RIC8B: variants seen among roughly 807,000 people sequenced by gnomAD.
RIC8B encodes the protein chaperone Ric-8B.
RIC8B carries 16 observed loss-of-function variants against 57.5 expected under a neutral mutation model. The ratio of observed to expected loss-of-function variants is 0.28; its 90% CI spans 0.19 to 0.42. The LOEUF (loss-of-function observed/expected upper bound fraction) is 0.42, where lower values mean the gene tolerates loss of function less well. RIC8B is among the 10% of genes least tolerant of loss of function. The probability of loss-of-function intolerance (pLI) is 1.00; values close to 1 mark genes in which losing one functional copy is unlikely to be tolerated. For missense variants in RIC8B, 481 were observed against 677.0 expected, an observed-to-expected ratio of 0.71 and a Z score of 3.21; for synonymous variants, 216 against 250.8, an observed-to-expected ratio of 0.86 and a Z score of 1.31.
chr12:106,847,599 T>G (rs1191591906), intron 6 of RIC8B, among the ~76,000 whole-genome samples: 1 of 152,172 alleles, frequency 6.6e-6, no homozygotes, highest in Non-Finnish European at 1.5e-5. Context: ...GAGATTTAGT[T>G]TCCATTTTTG....
In RIC8B at chr12:106,879,020, C is replaced by A; in HGVS notation, c.1572-6884C>A. The A allele has an allele frequency of 1.0e-6, 1 of 985,604 alleles. No individual in the cohort carries two copies. Among genetic ancestry groups the A allele is most frequent in the Non-Finnish European group, 1.2e-6 (1 of 829,816 alleles). 61.1% of individuals were successfully genotyped at this position (985,604 alleles called of 1,614,324 possible). On this transcript the variant is annotated intron_variant, in intron 9 of 9. Transcript: ENST00000392837. This position sits in a 1 kb window ranked among gnomAD's most constrained non-coding sequence, Gnocchi z 4.9. ...ATTAATTCCATGTGTCAATACTGCC[C>A]TGTAGTACACAGAGCAGACAAGAAA...
chr12:106,843,725 A>C (rs1566122837), intron 5 of RIC8B, 127 bp from the exon 6 acceptor site: 2 of 191,962 alleles, frequency 1.0e-5, no homozygotes, highest in Non-Finnish European at 1.9e-5. Flanking sequence ...CCCTCTCCCA[A>C]AAAAAAAAAA....
chr12:106,846,073 C>A (rs1250524066), intron 6 of RIC8B, among the ~76,000 whole-genome samples: 3 of 152,124 alleles, frequency 2.0e-5, no homozygotes, highest in Non-Finnish European at 4.4e-5. Context: ...TGATCTCATT[C>A]AAGAGTCATG....
intron 4 of RIC8B, among the ~76,000 whole-genome samples, chr12:106,830,028 T>A (rs2046289798): frequency 6.6e-6 from 1 of 152,236 alleles, no homozygotes; most frequent in African/African-American, 2.4e-5. Flanking sequence ...TCTATTCTAT[T>A]TCATTTGTCT....
chr12:106,787,090 C>T (rs2044064391), intron 2 of RIC8B, among the ~76,000 whole-genome samples: 1 of 152,066 alleles, frequency 6.6e-6, no homozygotes, highest in Non-Finnish European at 1.5e-5. Flanking sequence ...TAGAAAAAAA[C>T]TAACATTTTC....
intron 1 of RIC8B, chr12:106,775,390 C>T (rs2043417122): frequency 6.6e-6 from 3 of 455,888 alleles, no homozygotes; most frequent in South Asian, 4.6e-5. Flanking sequence ...GTGCAAAGAG[C>T]TGAAATCACG....
At chr12:106,880,287 A>T (rs1950864858) in intron 9 of RIC8B, among the ~76,000 whole-genome samples, 1 of 152,176 alleles carries the variant, frequency 6.6e-6, no homozygotes. Flanking sequence ...TAGGTTTAGA[A>T]TATCTGCATT....
chr12:106,792,377 A>T (rs943640091), intron 2 of RIC8B, among the ~76,000 whole-genome samples: 1 of 152,242 alleles, frequency 6.6e-6, no homozygotes, highest in Non-Finnish European at 1.5e-5. Context: ...CAGTCTATAC[A>T]TGATCGTTGG....
intron 2 of RIC8B, among the ~76,000 whole-genome samples, chr12:106,807,112 C>T (rs774732720): frequency 3.3e-5 from 5 of 152,332 alleles, no homozygotes; most frequent in East Asian, 3.9e-4. Context: ...CAAATCCATT[C>T]GCTTGTCTCC....
intron 3 of RIC8B, among the ~76,000 whole-genome samples, chr12:106,821,841 G>T (rs914402716): frequency 3.9e-4 from 59 of 151,992 alleles, no homozygotes; most frequent in Admixed American, 2.6e-4. Flanking sequence ...CACTTTGGGA[G>T]CCTGAGGCAG....
chr12:106,798,150 T>C, intron 2 of RIC8B: 1 of 581,496 alleles, frequency 1.7e-6, no homozygotes, highest in Non-Finnish European at 3.2e-6. Context: ...ATCGTAGATC[T>C]TTTTGATGCC....
rs909422311 is a variant in RIC8B at position 106,778,850 on chromosome 12, C to T, written c.84+4021C>T. Among the ~76,000 whole-genome samples, 4 of 152,088 alleles carry T rather than the reference C, an allele frequency of 2.6e-5. No homozygotes were observed. The East Asian group carries it at 7.7e-4, about 29-fold the overall frequency. ...TGTGGATACCAGAATCTGTGGATACCAAAATCTTCTAATGCTTTAGTCCCT... is the reference window on the plus strand; with the variant it reads ...TGTGGATACCAGAATCTGTGGATACTAAAATCTTCTAATGCTTTAGTCCCT... On this transcript the variant is annotated intron_variant, in intron 1 of 9. Transcript: ENST00000392837.
At position 106,784,061 on chromosome 12, in the gene RIC8B, C is replaced by A; in HGVS notation, c.132+17C>A. The A allele has an allele frequency of 6.2e-7, 1 of 1,610,722 alleles. No homozygotes were observed. Among genetic ancestry groups the A allele is most frequent in the Non-Finnish European group, 8.5e-7 (1 of 1,177,248 alleles). On this transcript the variant is annotated intron_variant, in intron 2 of 9. Coordinates refer to ENST00000392837, the MANE Select transcript of RIC8B (RefSeq NM_001330145.2). ...AAAAGAAAGGTAAGCCTTGGTGTTG[C>A]TCTGTGAATGTTTATGTGTGTGTGT... is the stretch of plus-strand genomic sequence containing the variant.
chr12:106,874,392 T>A (rs538211957), intron 9 of RIC8B: 1 of 991,374 alleles, frequency 1.0e-6, no homozygotes, highest in Non-Finnish European at 1.6e-6. Flanking sequence ...CTCCTGCACC[T>A]GAATTGAAAG....
intron 9 of RIC8B, among the ~76,000 whole-genome samples, chr12:106,885,590 AAG>A (rs1491333133): frequency 6.6e-5 from 10 of 151,936 alleles, no homozygotes; most frequent in African/African-American, 2.4e-4. Context: ...AAAAAAAAAA[AAG>A]GTTAATTATT....
At chr12:106,815,458 C>T (rs1322991602) in intron 3 of RIC8B, among the ~76,000 whole-genome samples, 154 bp downstream of exon 3, 1 of 152,194 alleles carries the variant, frequency 6.6e-6, no homozygotes, top group Non-Finnish European at 1.5e-5. Context: ...TACTTCTTAA[C>T]CATTGTAAGT....
chr12:106,846,536 G>A (rs78449182), intron 6 of RIC8B, among the ~76,000 whole-genome samples: 4,662 of 152,128 alleles, frequency 0.031, 262 homozygotes, highest in African/African-American at 0.11. Context: ...TAATGATTTA[G>A]GCAAGATTAA....
Position 106,886,098 on chromosome 12 carries a change from T to G in RIC8B, c.*83T>G. On this transcript the variant is annotated 3_prime_UTR_variant, in exon 10 of 10. Coordinates refer to ENST00000392837, the MANE Select transcript of RIC8B (RefSeq NM_001330145.2). ...CAGGGGAATCTTTTCTCTAAAACATTTATGCCCTTGCTTTGGCTAGAAACA... is the reference window on the plus strand; with the variant it reads ...CAGGGGAATCTTTTCTCTAAAACATGTATGCCCTTGCTTTGGCTAGAAACA... The G allele has an allele frequency of 1.0e-6, 1 of 965,984 alleles. No individual in the cohort carries two copies. Among genetic ancestry groups the G allele is most frequent in the Non-Finnish European group, 1.6e-6 (1 of 610,558 alleles). 59.8% of individuals were successfully genotyped at this position (965,984 alleles called of 1,614,324 possible). A position where few individuals can be genotyped will look rare whatever the true frequency, so the allele number is the denominator to read the frequency against.
chr12:106,812,599 A>G (rs956181601), intron 2 of RIC8B, among the ~76,000 whole-genome samples: 1 of 152,136 alleles, frequency 6.6e-6, no homozygotes, highest in Non-Finnish European at 1.5e-5. Flanking sequence ...AGGATGGTAG[A>G]TATTTCCTTC....
Sources: gnomAD v4.1 joint callset for allele counts (sites outside exome capture counted in the v4.1 genomes callset) on GRCh38, gnomAD v4.1.1 for gene constraint, Gnocchi (gnomAD v3.1) non-coding constraint, MANE v1.5 for transcripts, NCBI Gene and HGNC (gene_info 2026-07-23, HGNC 2026-07-21) for gene names.